The following VPS33B variants were observed in gnomAD, a reference collection of about 807,000 sequenced individuals.
The protein encoded by VPS33B is VPS33B late endosome and lysosome associated.
In VPS33B, 80 loss-of-function variants were observed where a neutral mutation model predicts 95.3. That is an observed-to-expected ratio of 0.84 (90% CI 0.70 to 1.01). VPS33B has a LOEUF of 1.01. Among genes scored for constraint, VPS33B ranks in the 50% least tolerant of loss-of-function variants. VPS33B has a pLI of 0.00. For missense variants in VPS33B, 715 were observed against 773.4 expected, an observed-to-expected ratio of 0.92 and a Z score of 0.90; for synonymous variants, 280 against 280.4, an observed-to-expected ratio of 1.00 and a Z score of 0.01.
rs747451890 is a variant in VPS33B, at chr15:91,007,944, C to G, written c.424G>C (p.Ala142Pro). 6.2e-7 allele frequency: 1 copy of G among 1,614,180 alleles called. No individual in the cohort carries two copies. The highest frequency in any genetic ancestry group is 8.5e-7 in the Non-Finnish European group (1 of 1,180,034). Residue 142 changes from alanine to proline, a missense_variant, in exon 7 of 23, where the codon GCC (alanine) becomes CCC (proline). Transcript: ENST00000333371. The surrounding 1 kb of genome is among the most constrained non-coding windows in gnomAD (Gnocchi z 5.3). ...ACATCAAGAGGCAGCAAAGAGAAGGCCCATTCATCACAGCTCACATCTGTG... is the reference window on the plus strand; with the variant it reads ...ACATCAAGAGGCAGCAAAGAGAAGGGCCATTCATCACAGCTCACATCTGTG... ...IYGDVSCDEWAFSLLPLDVDL... is the reference protein window; with the variant it reads ...IYGDVSCDEWPFSLLPLDVDL...
chr15:91,017,713 A>C, intron 2 of VPS33B, 92 bp downstream of exon 2: 1 of 1,193,180 alleles, frequency 8.4e-7, no homozygotes, highest in Non-Finnish European at 1.2e-6. Flanking sequence ...TATTTGCCCT[A>C]CAAGAGTAGT....
Position 91,005,066 on chromosome 15 carries a change from T to C in VPS33B, c.1159A>G (p.Ile387Val). 2.5e-6 allele frequency: 4 copies of C among 1,614,256 alleles called. No homozygotes were observed. Among genetic ancestry groups the C allele is most frequent in the Non-Finnish European group, 2.5e-6 (3 of 1,180,046 alleles). The change falls in exon 15 of 23, where the codon ATA becomes GTA. Residue 387 changes from isoleucine to valine, a missense_variant. Coordinates refer to ENST00000333371, the MANE Select transcript of VPS33B (RefSeq NM_018668.5). The surrounding 1 kb of genome is among the most constrained non-coding windows in gnomAD (Gnocchi z 6.4). ...CTCCACCTGCGCACCTGCCGGTCTA[T>C]GTGTTCCTCAATGTAGCTGGTGCTC... ...RESTSYIEEH[I>V]DRQVSPIESL... is the part of the protein sequence containing the mutation.
Position 90,999,204 on chromosome 15 carries a change from GCTTT to G in VPS33B, c.1775-154_1775-151del. 1.3e-6 allele frequency: 1 copy of G among 755,182 alleles called. No homozygotes were observed. Among genetic ancestry groups the G allele is most frequent in the Non-Finnish European group, 2.3e-6 (1 of 431,960 alleles). 46.8% of individuals were successfully genotyped at this position (755,182 alleles called of 1,614,324 possible). The stretch of plus-strand genomic sequence containing the variant: ...GAGTGCCATGCTCTTGGGCACCACT[GCTTT>G]CTATGACTGGTATAACTGGGCTCCC... On this transcript the variant is annotated intron_variant, in intron 22 of 22. Transcript: ENST00000333371. The surrounding 1 kb of genome is among the most constrained non-coding windows in gnomAD (Gnocchi z 5.1).
chr15:91,004,785 G>T, intron 16 of VPS33B, 92 bp downstream of exon 16: 1 of 1,416,454 alleles, frequency 7.1e-7, no homozygotes, highest in Non-Finnish European at 1.0e-6. Context: ...TGTTTGCTAA[G>T]ACATTTGCCT....
intron 6 of VPS33B, 121 bp from the exon 7 acceptor site, chr15:91,008,085 G>T: frequency 1.2e-6 from 1 of 867,310 alleles, no homozygotes; most frequent in Non-Finnish European, 1.9e-6. Flanking sequence ...CCACATGCCA[G>T]TACTGCATTA....
At position 91,005,133 on chromosome 15, in the gene VPS33B, G is replaced by T. The variant is rs774401471; in HGVS notation, c.1106-14C>A. The T allele has an allele frequency of 6.2e-7, 1 of 1,614,166 alleles. No homozygotes were observed. Among genetic ancestry groups the T allele is most frequent in the Admixed American group, 1.7e-5 (1 of 60,016 alleles). On this transcript the variant is annotated splice_polypyrimidine_tract_variant and intron_variant, in intron 14 of 22. Coordinates refer to ENST00000333371, the MANE Select transcript of VPS33B (RefSeq NM_018668.5). This position sits in a 1 kb window ranked among gnomAD's most constrained non-coding sequence, Gnocchi z 6.4. ...CCTCTAGCAGTGCTGTGAGTAATCA[G>T]AGGAGAGCCTGTTACTGGGGGCCAG...
At position 91,016,979 on chromosome 15, in the gene VPS33B, G is replaced by C; in HGVS notation, c.223C>G (p.Leu75Val). ...GACACTCACTGTTCATTGGAGCTGA[G>C]GGCTGGCTTGTTCTCCACCTTGTAT... ...KLYKVENKPA[L>V]SSNEQLCFLV... Residue 75 changes from leucine to valine, a missense_variant, in exon 3 of 23, where the codon CTC (leucine) becomes GTC (valine). Transcript: ENST00000333371. 1 of 1,614,056 alleles carries C rather than the reference G, an allele frequency of 6.2e-7. No homozygotes were observed. Among genetic ancestry groups the C allele is most frequent in the Non-Finnish European group, 8.5e-7 (1 of 1,179,996 alleles).
chr15:90,999,218 G>T lies in VPS33B; in HGVS notation c.1775-164C>A. 1.4e-6 allele frequency: 1 copy of T among 714,162 alleles called. No homozygotes were observed. The highest frequency in any genetic ancestry group is 2.5e-6 in the Non-Finnish European group (1 of 401,182). The allele number at this position is 714,162 out of a possible 1,614,324, so 44.2% of individuals were successfully genotyped here. On this transcript the variant is annotated intron_variant, in intron 22 of 22. Transcript: ENST00000333371. The surrounding 1 kb of genome is among the most constrained non-coding windows in gnomAD (Gnocchi z 5.1). The stretch of plus-strand genomic sequence containing the variant: ...TGGGCACCACTGCTTTCTATGACTG[G>T]TATAACTGGGCTCCCTGCTGTGGCA...
rs11542638 is a variant in VPS33B, at chr15:91,017,831, G to A, written c.151C>T (p.Arg51Ter). ...TTCAGGATGGAGACATTGGCAATTC[G>A]ATCCAAAGGGCTCATGAGATCTGCC... Reference protein sequence around the residue: ...IEADLMSPLDRIANVSILKQH... With the variant: ...IEADLMSPLD The change falls in exon 2 of 23, where the codon CGA (arginine) becomes TGA (stop). Residue 51 changes from arginine to a stop codon, truncating the protein, a stop_gained. Transcript: ENST00000333371. LOFTEE classifies it high-confidence loss of function. The A allele has an allele frequency of 1.9e-6, 3 of 1,613,906 alleles. No homozygotes were observed. Among genetic ancestry groups the A allele is most frequent in the Admixed American group, 1.7e-5 (1 of 59,998 alleles).
chr15:91,005,652 GAC>G lies in VPS33B; in HGVS notation c.1030+40_1030+41del, dbSNP rs765102837. The G allele has an allele frequency of 2.5e-6, 4 of 1,610,588 alleles. No individual in the cohort carries two copies. Among genetic ancestry groups the G allele is most frequent in the Non-Finnish European group, 2.5e-6 (3 of 1,176,796 alleles). Reference sequence around the variant, plus strand: ...GGTCCTCTGGAGCTTTCCCCAGAGGGACACAGTCACTTCCCCTCACGCCCCTC... The same window carrying G: ...GGTCCTCTGGAGCTTTCCCCAGAGGGACAGTCACTTCCCCTCACGCCCCTC... On this transcript the variant is annotated intron_variant, in intron 13 of 22. Transcript: ENST00000333371. This position sits in a 1 kb window ranked among gnomAD's most constrained non-coding sequence, Gnocchi z 6.4.
rs544919898 is a variant in VPS33B at position 91,005,775 on chromosome 15, C to T, written c.949G>A (p.Gly317Ser). ...TTCTTCATCTGCTTAATGTCCATGCCTCTCCGGCGCTGTGGGAAAATTCCC... is the reference window on the plus strand; with the variant it reads ...TTCTTCATCTGCTTAATGTCCATGCTTCTCCGGCGCTGTGGGAAAATTCCC... Reference protein sequence around the residue: ...NLQAQYDRRRGMDIKQMKNFV... With the variant: ...NLQAQYDRRRSMDIKQMKNFV... The change falls in exon 13 of 23, where the codon GGC becomes AGC. Residue 317 changes from glycine to serine, a missense_variant. Coordinates refer to ENST00000333371, the MANE Select transcript of VPS33B (RefSeq NM_018668.5). This position sits in a 1 kb window ranked among gnomAD's most constrained non-coding sequence, Gnocchi z 6.4. 4.3e-5 allele frequency: 69 copies of T among 1,614,224 alleles called. 1 individual carries two copies. In the South Asian group the frequency reaches 7.0e-4, roughly 16 times the overall value.
Position 91,018,221 on chromosome 15 carries a change from A to G in VPS33B, c.97-336T>C, listed in dbSNP as rs7182400. ...GCCTCCTCCACTCTGGCTCCTAACCACCCCTGGTCTCCTGCTGAACAAAGC... is the reference window on the plus strand; with the variant it reads ...GCCTCCTCCACTCTGGCTCCTAACCGCCCCTGGTCTCCTGCTGAACAAAGC... On this transcript the variant is annotated intron_variant, in intron 1 of 22. Coordinates refer to ENST00000333371, the MANE Select transcript of VPS33B (RefSeq NM_018668.5). The surrounding 1 kb of genome is among the most constrained non-coding windows in gnomAD (Gnocchi z 4.7). 0.022 allele frequency among the ~76,000 whole-genome samples: 3,404 copies of G among 151,986 alleles called. 125 individuals are homozygous for G. Among genetic ancestry groups the G allele is most frequent in the African/African-American group, 0.079 (3,265 of 41,436 alleles).
intron 1 of VPS33B, among the ~76,000 whole-genome samples, chr15:91,020,365 G>A (rs1288789695): frequency 6.6e-6 from 1 of 152,170 alleles, no homozygotes; most frequent in Middle Eastern, 3.2e-3. Flanking sequence ...GAATAGCAGT[G>A]CACATTAACA....
Position 91,013,666 on chromosome 15 carries a change from A to G in VPS33B, c.357+138T>C. The G allele has an allele frequency of 1.1e-6, 1 of 905,122 alleles. No homozygotes were observed. Among genetic ancestry groups the G allele is most frequent in the Non-Finnish European group, 1.8e-6 (1 of 549,298 alleles). The allele number at this position is 905,122 out of a possible 1,614,324, so 56.1% of individuals were successfully genotyped here. ...GCTAAATAAATTTCTGTTCATTATAAATTACCTAGTCTCAGGTATTCTGTT... is the reference window on the plus strand; with the variant it reads ...GCTAAATAAATTTCTGTTCATTATAGATTACCTAGTCTCAGGTATTCTGTT... On this transcript the variant is annotated intron_variant, in intron 5 of 22. Transcript: ENST00000333371. The surrounding 1 kb of genome is among the most constrained non-coding windows in gnomAD (Gnocchi z 4.5).
chr15:91,021,242 TACAG>T (rs1367484985), intron 1 of VPS33B, among the ~76,000 whole-genome samples: 2 of 152,192 alleles, frequency 1.3e-5, no homozygotes, highest in East Asian at 3.8e-4. Context: ...TAATGAGGAA[TACAG>T]ACATAAAATG....
In VPS33B at chr15:90,998,862, C is replaced by T. The variant is rs539260496; in HGVS notation, c.*113G>A. The T allele has an allele frequency of 5.6e-5, 62 of 1,104,556 alleles. 1 individual carries two copies. The highest frequency in any genetic ancestry group is 3.5e-4 in the East Asian group (14 of 40,124). The allele number at this position is 1,104,556 out of a possible 1,614,324, so 68.4% of individuals were successfully genotyped here. A position where few individuals can be genotyped will look rare whatever the true frequency, so the allele number is the denominator to read the frequency against. ...TAAATCCCAACACGTTCCATGCTCC[C>T]GGCTCTTAGCAGGTAGTTGGTGGAC... On this transcript the variant is annotated 3_prime_UTR_variant, in exon 23 of 23. Coordinates refer to ENST00000333371, the MANE Select transcript of VPS33B (RefSeq NM_018668.5). This position sits in a 1 kb window ranked among gnomAD's most constrained non-coding sequence, Gnocchi z 4.8.
At chr15:91,016,113 T>G (rs1596368753) in intron 3 of VPS33B, among the ~76,000 whole-genome samples, 1 of 151,524 alleles carries the variant, frequency 6.6e-6, no homozygotes, top group African/African-American at 2.4e-5. Context: ...ATGGAGGAGG[T>G]GGCCGGGCTC....
Position 91,013,520 on chromosome 15 carries a change from AG to A in VPS33B, c.357+283del, listed in dbSNP as rs1456479407. Among the ~76,000 whole-genome samples, 1 of 152,166 alleles carries A rather than the reference AG, an allele frequency of 6.6e-6. No individual in the cohort carries two copies. Among genetic ancestry groups the A allele is most frequent in the Non-Finnish European group, 1.5e-5 (1 of 68,022 alleles). On this transcript the variant is annotated intron_variant, in intron 5 of 22. Coordinates refer to ENST00000333371, the MANE Select transcript of VPS33B (RefSeq NM_018668.5). The surrounding 1 kb of genome is among the most constrained non-coding windows in gnomAD (Gnocchi z 4.5). ...GAGTGGGTTGCTATAAGGCGAGTCC[AG>A]CCCCTGGGTGTCTCTTGGTCTCATG...
In VPS33B at chr15:91,005,109, C is replaced by G; in HGVS notation, c.1116G>C (p.Glu372Asp). 1 of 1,614,194 alleles carries G rather than the reference C, an allele frequency of 6.2e-7. No individual in the cohort carries two copies. The highest frequency in any genetic ancestry group is 1.3e-5 in the African/African-American group (1 of 75,048). ...ELIKTEHALL[E>D]GFNIRESTSY... Reference sequence around the variant, plus strand: ...TGGTGCTCTCCCGGATGTTGAACCCCTCTAGCAGTGCTGTGAGTAATCAGA... The same window carrying G: ...TGGTGCTCTCCCGGATGTTGAACCCGTCTAGCAGTGCTGTGAGTAATCAGA... Residue 372 changes from glutamate to aspartate, a missense_variant, in exon 15 of 23, where the codon GAG (glutamate) becomes GAC (aspartate). Glu to Asp is a conservative substitution (Grantham distance 45, BLOSUM62 2). Coordinates refer to ENST00000333371, the MANE Select transcript of VPS33B (RefSeq NM_018668.5). This position sits in a 1 kb window ranked among gnomAD's most constrained non-coding sequence, Gnocchi z 6.4.
Sources: gnomAD v4.1 joint callset for allele counts (sites outside exome capture counted in the v4.1 genomes callset) on GRCh38, gnomAD v4.1.1 for gene constraint, Gnocchi (gnomAD v3.1) non-coding constraint, MANE v1.5 for transcripts, NCBI Gene and HGNC (gene_info 2026-07-23, HGNC 2026-07-21) for gene names.